Variants in ACTL8 observed in about 807,000 individuals in gnomAD.
ACTL8 encodes the protein actin-like protein 8.
A neutral mutation model predicts 9.3 loss-of-function variants in ACTL8; 3 were observed. The ratio of observed to expected loss-of-function variants is 0.32; its 90% CI spans 0.15 to 0.83. The LOEUF is 0.83. Ranked by LOEUF, ACTL8 falls within the 40% of genes least tolerant of loss-of-function variation. ACTL8 has a pLI of 0.57. For missense variants in ACTL8, 381 were observed against 492.2 expected, an observed-to-expected ratio of 0.77 and a Z score of 2.14; for synonymous variants, 224 against 205.9, an observed-to-expected ratio of 1.09 and a Z score of -0.75.
intron 1 of ACTL8, among the ~76,000 whole-genome samples, chr1:17,780,691 C>A (rs1266472760): frequency 8.5e-6 from 1 of 117,340 alleles, no homozygotes. Context: ...CCTTGGTTGA[C>A]AGTGCAGTCC....
chr1:17,819,469 G>GCCAGGC (rs1245730387), intron 1 of ACTL8, among the ~76,000 whole-genome samples: 4 of 152,212 alleles, frequency 2.6e-5, no homozygotes, highest in Non-Finnish European at 4.4e-5. Flanking sequence ...ACTGGCCAGG[G>GCCAGGC]CCAGGCCATG....
intron 1 of ACTL8, among the ~76,000 whole-genome samples, chr1:17,793,461 C>T (rs1241417785): frequency 6.6e-6 from 1 of 152,178 alleles, no homozygotes; most frequent in East Asian, 1.9e-4. Context: ...AATGGAATTC[C>T]TTCAAGTTCT....
At chr1:17,774,240 C>T (rs1443972252) in intron 1 of ACTL8, among the ~76,000 whole-genome samples, 5 of 152,166 alleles carry the variant, frequency 3.3e-5, no homozygotes, top group Admixed American at 3.3e-4. Flanking sequence ...ATAATCGCTT[C>T]CTGCCTTTCC....
chr1:17,755,820 C>T (rs535114844), intron 1 of ACTL8, among the ~76,000 whole-genome samples: 1 of 151,840 alleles, frequency 6.6e-6, no homozygotes, highest in Non-Finnish European at 1.5e-5. Flanking sequence ...TGTGGGGGCA[C>T]CGCCTGGAGG....
At chr1:17,812,422 T>C (rs2066398894) in intron 1 of ACTL8, among the ~76,000 whole-genome samples, 1 of 149,686 alleles carries the variant, frequency 6.7e-6, no homozygotes, top group Non-Finnish European at 1.5e-5. Flanking sequence ...TATCTATTTT[T>C]TTTCCTTTTT....
chr1:17,823,012 G>A lies in ACTL8; in HGVS notation c.4G>A (p.Ala2Thr), dbSNP rs1471399177. Residue 2 changes from alanine (A) to threonine (T), a missense_variant, in exon 2 of 3, where the codon GCT (alanine) becomes ACT (threonine). This residue lies in a region of ACTL8 where 125 missense variants were observed against 180.7 expected (regional missense o/e 0.69). Coordinates refer to ENST00000375406, the MANE Select transcript of ACTL8 (RefSeq NM_030812.3). This position sits in a 1 kb window ranked among gnomAD's most constrained non-coding sequence, Gnocchi z 5.3. ...CCCACCCACCTCTGCCTCCGCCATGGCTGCAAGAACCGTTATCATTGACCA... is the reference window on the plus strand; with the variant it reads ...CCCACCCACCTCTGCCTCCGCCATGACTGCAAGAACCGTTATCATTGACCA... MAARTVIIDHGS... is the reference protein window; with the variant it reads MTARTVIIDHGS... The A allele has an allele frequency of 1.2e-6, 2 of 1,612,880 alleles. No homozygotes were observed. Among genetic ancestry groups the A allele is most frequent in the East Asian group, 2.2e-5 (1 of 44,862 alleles).
At chr1:17,792,763 T>C (rs1161149166) in intron 1 of ACTL8, among the ~76,000 whole-genome samples, 2 of 152,176 alleles carry the variant, frequency 1.3e-5, no homozygotes, top group Non-Finnish European at 2.9e-5. Context: ...GACATGACTT[T>C]AGGGCTCACT....
chr1:17,820,824 G>A lies in ACTL8; in HGVS notation c.-24-2161G>A, dbSNP rs113380380. On this transcript the variant is annotated intron_variant, in intron 1 of 2. Coordinates refer to ENST00000375406, the MANE Select transcript of ACTL8 (RefSeq NM_030812.3). ...ACTCCTGACCTCAGGTGATCTGCCC[G>A]TCTTGGCCTCCCAAAGTATGCTGAA... Among the ~76,000 whole-genome samples the A allele has an allele frequency of 6.6e-4, 101 of 152,184 alleles. 1 individual carries two copies. Among genetic ancestry groups the A allele is most frequent in the African/African-American group, 2.2e-3 (91 of 41,510 alleles).
At chr1:17,795,454 A>G (rs966758292) in intron 1 of ACTL8, among the ~76,000 whole-genome samples, 3 of 152,234 alleles carry the variant, frequency 2.0e-5, no homozygotes, top group Non-Finnish European at 4.4e-5. Context: ...GAATGTAGTA[A>G]AATATAACAG....
chr1:17,812,564 C>T (rs147885663), intron 1 of ACTL8, among the ~76,000 whole-genome samples: 5 of 150,322 alleles, frequency 3.3e-5, no homozygotes, highest in East Asian at 2.0e-4. Flanking sequence ...CAAGAAGCTG[C>T]GACTACAGGC....
At position 17,825,992 on chromosome 1, in the gene ACTL8, G is replaced by C; in HGVS notation, c.574G>C (p.Asp192His). The change falls in exon 3 of 3, where the codon GAT becomes CAT. Residue 192 changes from aspartate to histidine, a missense_variant. Around this residue, in one of 3 missense-constraint regions of ACTL8, gnomAD observed 243 missense variants for 276.2 expected, o/e 0.88. Transcript: ENST00000375406. ...AYLLKSLFKE[D>H]CDRRCLFQLE... ...TCTCCTCAAGAGTCTCTTTAAGGAA[G>C]ATTGCGATAGACGCTGCCTGTTTCA... 6.2e-7 allele frequency: 1 copy of C among 1,608,488 alleles called. No individual in the cohort carries two copies. The highest frequency in any genetic ancestry group is 8.5e-7 in the Non-Finnish European group (1 of 1,179,984).
At position 17,826,714 on chromosome 1, in the gene ACTL8, GACAAGAT is replaced by G; in HGVS notation, c.*196_*202del. The G allele has an allele frequency of 2.0e-6, 1 of 492,044 alleles. No homozygotes were observed. The highest frequency in any genetic ancestry group is 7.3e-5 in the South Asian group (1 of 13,658). 30.5% of individuals were successfully genotyped at this position (492,044 alleles called of 1,614,324 possible). A position where few individuals can be genotyped will look rare whatever the true frequency, so the allele number is the denominator to read the frequency against. On this transcript the variant is annotated 3_prime_UTR_variant, in exon 3 of 3. Coordinates refer to ENST00000375406, the MANE Select transcript of ACTL8 (RefSeq NM_030812.3). The surrounding 1 kb of genome is among the most constrained non-coding windows in gnomAD (Gnocchi z 4.5). ...AGAGTGGGACCTACCCAAGGGGGAA[GACAAGAT>G]GTCATCCTTGGAAACCCTGCAGGGG...
At chr1:17,783,043 T>C (rs150133171) in intron 1 of ACTL8, among the ~76,000 whole-genome samples, 2 of 152,176 alleles carry the variant, frequency 1.3e-5, no homozygotes, top group Non-Finnish European at 2.9e-5. Flanking sequence ...GGCCAGACAC[T>C]GAAGTGGGCC....
intron 1 of ACTL8, among the ~76,000 whole-genome samples, chr1:17,814,640 C>G (rs1267220485): frequency 2.6e-5 from 4 of 151,706 alleles, no homozygotes; most frequent in African/African-American, 9.7e-5. Context: ...CCATATCTAC[C>G]AACAAAACAG....
chr1:17,826,322 A>G lies in ACTL8; in HGVS notation c.904A>G (p.Thr302Ala), dbSNP rs1240714762. The G allele has an allele frequency of 1.2e-6, 2 of 1,613,254 alleles. No homozygotes were observed. The highest frequency in any genetic ancestry group is 8.5e-7 in the Non-Finnish European group (1 of 1,179,468). Residue 302 changes from threonine (T) to alanine (A), a missense_variant, in exon 3 of 3, where the codon ACC becomes GCC. Coordinates refer to ENST00000375406, the MANE Select transcript of ACTL8 (RefSeq NM_030812.3). The surrounding 1 kb of genome is among the most constrained non-coding windows in gnomAD (Gnocchi z 4.5). ...VSHVMACGGN[T>A]LYPGFTKRLF... ...CCACGTGATGGCCTGCGGGGGCAACACCCTCTATCCCGGGTTCACAAAGCG... is the reference window on the plus strand; with the variant it reads ...CCACGTGATGGCCTGCGGGGGCAACGCCCTCTATCCCGGGTTCACAAAGCG...
chr1:17,784,703 A>G (rs922039921), intron 1 of ACTL8, among the ~76,000 whole-genome samples: 2 of 152,156 alleles, frequency 1.3e-5, no homozygotes, highest in Admixed American at 1.3e-4. Flanking sequence ...TGGGATAAGC[A>G]CCACGCTTCT....
In ACTL8 at chr1:17,826,256, G is replaced by A; in HGVS notation, c.838G>A (p.Val280Met). ...CATCCCACGGGCCATTGTGGAATCC[G>A]TGGAGTCCTGCGAGATCTCCCTGCG... is the stretch of plus-strand genomic sequence containing the variant. Reference protein sequence around the residue: ...PSIPRAIVESVESCEISLRPL... With the variant: ...PSIPRAIVESMESCEISLRPL... The change falls in exon 3 of 3, where the codon GTG becomes ATG. Residue 280 changes from valine (V) to methionine (M), a missense_variant. Val to Met is a conservative substitution (Grantham distance 21, BLOSUM62 1). Transcript: ENST00000375406. This position sits in a 1 kb window ranked among gnomAD's most constrained non-coding sequence, Gnocchi z 4.5. 1.9e-6 allele frequency: 3 copies of A among 1,612,680 alleles called. No homozygotes were observed. Among genetic ancestry groups the A allele is most frequent in the South Asian group, 1.1e-5 (1 of 91,026 alleles).
chr1:17,770,947 G>A (rs773921014), intron 1 of ACTL8, among the ~76,000 whole-genome samples: 11 of 152,272 alleles, frequency 7.2e-5, no homozygotes, highest in Admixed American at 2.0e-4. Flanking sequence ...GGCTGGGGGC[G>A]CGGGTAATTT....
chr1:17,774,098 C>T (rs563692907), intron 1 of ACTL8, among the ~76,000 whole-genome samples: 216 of 152,326 alleles, frequency 1.4e-3, no homozygotes, highest in African/African-American at 4.8e-3. Context: ...GCGCCACCTT[C>T]TGTCTCACAC....
Sources: gnomAD v4.1 joint callset for allele counts (sites outside exome capture counted in the v4.1 genomes callset) on GRCh38, gnomAD v4.1.1 for gene constraint, gnomAD v4.1.1 regional missense constraint, Gnocchi (gnomAD v3.1) non-coding constraint, MANE v1.5 for transcripts, NCBI Gene and HGNC (gene_info 2026-07-23, HGNC 2026-07-21) for gene names.